INSC: variants seen among roughly 807,000 people sequenced by gnomAD.
The protein encoded by INSC is protein inscuteable homolog.
INSC carries 67 observed loss-of-function variants against 58.6 expected under a neutral mutation model. The ratio of observed to expected loss-of-function variants is 1.14; its 90% CI spans 0.94 to 1.40. The LOEUF (loss-of-function observed/expected upper bound fraction) is 1.40. Among genes scored for constraint, INSC ranks in the 40% most tolerant of loss-of-function variants. INSC has a pLI of 0.00. For missense variants in INSC, 714 were observed against 692.0 expected (o/e 1.03, Z -0.36); for synonymous variants, 262 against 276.1 (o/e 0.95, Z 0.51).
chr11:15,111,652 T>C (rs11826529), upstream of INSC, among the ~76,000 whole-genome samples: 22,561 of 152,170 alleles, frequency 0.15, 2,413 homozygotes, highest in African/African-American at 0.29. Context: ...CCATGTGTAT[T>C]TGTGTAGAGT....
chr11:15,124,041 A>C (rs1346684138), intron 1 of INSC, among the ~76,000 whole-genome samples: 1 of 152,134 alleles, frequency 6.6e-6, no homozygotes, highest in Non-Finnish European at 1.5e-5. Context: ...TTACTCTTAC[A>C]TTCCTCACTC....
At chr11:15,193,975 GTC>G (rs761447224) in intron 6 of INSC, among the ~76,000 whole-genome samples, 1 of 152,162 alleles carries the variant, frequency 6.6e-6, no homozygotes, top group African/African-American at 2.4e-5. Flanking sequence ...AATGAAGCAT[GTC>G]TCTCACACTC....
chr11:15,200,749 G>A (rs1307096235), intron 6 of INSC, 75 bp from the exon 7 acceptor site: 4 of 1,597,002 alleles, frequency 2.5e-6, no homozygotes, highest in East Asian at 2.2e-5. Flanking sequence ...GCGAATCAGG[G>A]ATGTCACTTA....
chr11:15,120,188 C>A (rs944624184), intron 1 of INSC, among the ~76,000 whole-genome samples: 1 of 152,154 alleles, frequency 6.6e-6, no homozygotes, highest in Non-Finnish European at 1.5e-5. Flanking sequence ...TTGGAAGATC[C>A]AGAAAGTACA....
chr11:15,221,847 T>C (rs2133932994), intron 8 of INSC, among the ~76,000 whole-genome samples, 199 bp downstream of exon 8: 1 of 152,332 alleles, frequency 6.6e-6, no homozygotes, highest in East Asian at 1.9e-4. Flanking sequence ...GAGTTTCCTA[T>C]TAAAATGTGT....
At chr11:15,219,333 C>A (rs1223379011) in intron 7 of INSC, among the ~76,000 whole-genome samples, 3 of 152,180 alleles carry the variant, frequency 2.0e-5, no homozygotes, top group Admixed American at 6.5e-5. Context: ...CGTCTCCCAA[C>A]TGAGGCGTGT....
intron 10 of INSC, among the ~76,000 whole-genome samples, chr11:15,236,460 A>G (rs981403330): frequency 3.3e-5 from 5 of 152,358 alleles, no homozygotes; most frequent in African/African-American, 1.2e-4. Flanking sequence ...GGAAGGGGTG[A>G]GAATGGGAGA....
chr11:15,205,102 T>A (rs928116007), intron 7 of INSC, among the ~76,000 whole-genome samples: 1 of 152,244 alleles, frequency 6.6e-6, no homozygotes, highest in African/African-American at 2.4e-5. Flanking sequence ...GTCATTCACT[T>A]ACTTTTAAAC....
intron 2 of INSC, among the ~76,000 whole-genome samples, chr11:15,158,956 G>A (rs11023458): frequency 7.1e-6 from 1 of 140,160 alleles, no homozygotes; most frequent in African/African-American, 2.7e-5. Flanking sequence ...TCAGCTCCTA[G>A]AACAGGGCTT....
intron 7 of INSC, among the ~76,000 whole-genome samples, chr11:15,201,904 C>G (rs1540155): frequency 0.44 from 66,667 of 152,030 alleles, 15,545 homozygotes; most frequent in Non-Finnish European, 0.54. Flanking sequence ...CCTGGCAGCC[C>G]AAATAACTCC....
intron 5 of INSC, among the ~76,000 whole-genome samples, chr11:15,180,745 G>T: frequency 6.6e-6 from 1 of 150,378 alleles, no homozygotes; most frequent in Admixed American, 6.6e-5. Context: ...CTGCATATTA[G>T]TTTTCTTCCT....
intron 1 of INSC, among the ~76,000 whole-genome samples, chr11:15,124,458 A>T (rs1847944135): frequency 1.3e-5 from 2 of 152,046 alleles, no homozygotes; most frequent in Non-Finnish European, 2.9e-5. Context: ...GGCTTTGCAG[A>T]GGTGTTAGGG....
intron 5 of INSC, among the ~76,000 whole-genome samples, chr11:15,188,511 T>C (rs1850054756): frequency 6.6e-6 from 1 of 152,196 alleles, no homozygotes; most frequent in Non-Finnish European, 1.5e-5. Flanking sequence ...CGAGGTCCTT[T>C]CCGGCTCTGA....
chr11:15,195,786 A>G (rs1202110306), intron 6 of INSC, among the ~76,000 whole-genome samples: 2 of 152,140 alleles, frequency 1.3e-5, no homozygotes, highest in Non-Finnish European at 2.9e-5. Flanking sequence ...CCACTAGCTC[A>G]CTGGAGGAGG....
the INSC span, among the ~76,000 whole-genome samples, chr11:15,261,639 G>A: frequency 4.6e-5 from 7 of 152,278 alleles, no homozygotes; most frequent in Middle Eastern, 3.4e-3. Context: ...GTATTTTGGA[G>A]TCCAAAGTTT....
chr11:15,181,424 C>T (rs1183613926), intron 5 of INSC, among the ~76,000 whole-genome samples: 1 of 152,164 alleles, frequency 6.6e-6, no homozygotes. Flanking sequence ...CCACCCCCTT[C>T]ACCCCAGTAT....
At chr11:15,242,800 T>C (rs970349718) in intron 12 of INSC, among the ~76,000 whole-genome samples, 2 of 152,188 alleles carry the variant, frequency 1.3e-5, no homozygotes, top group African/African-American at 4.8e-5. Flanking sequence ...GCCTCCTCTC[T>C]TGGGTTTTGT....
chr11:15,211,071 T>C (rs1851007976), intron 7 of INSC, among the ~76,000 whole-genome samples: 4 of 151,676 alleles, frequency 2.6e-5, no homozygotes, highest in Admixed American at 1.3e-4. Flanking sequence ...GGGAAGAGAC[T>C]TACTGGAGGA....
chr11:15,147,665 T>C (rs1247077224), intron 1 of INSC, among the ~76,000 whole-genome samples: 1 of 152,182 alleles, frequency 6.6e-6, no homozygotes, highest in Admixed American at 6.5e-5. Flanking sequence ...CAGAAACACA[T>C]GTGGTGTCTA....
Sources: gnomAD v4.1 joint callset for allele counts (sites outside exome capture counted in the v4.1 genomes callset) on GRCh38, gnomAD v4.1.1 for gene constraint, MANE v1.5 for transcripts, NCBI Gene and HGNC (gene_info 2026-07-23, HGNC 2026-07-21) for gene names.